Variants in POLK observed in about 807,000 individuals in gnomAD.
The protein encoded by POLK is DNA polymerase kappa.
POLK carries 76 observed loss-of-function variants against 94.0 expected under a neutral mutation model. That is an observed-to-expected ratio of 0.81 (90% CI 0.67 to 0.98). POLK has a LOEUF of 0.98. Ranked by LOEUF, POLK falls within the 50% of genes least tolerant of loss-of-function variation. POLK has a pLI of 0.00. For missense variants in POLK, 954 were observed against 1,010.1 expected (o/e 0.94, Z 0.75); for synonymous variants, 349 against 325.4 (o/e 1.07, Z -0.78).
intron 1 of POLK, among the ~76,000 whole-genome samples, chr5:75,536,883 G>A (rs1224509672): frequency 6.6e-6 from 1 of 152,220 alleles, no homozygotes; most frequent in Non-Finnish European, 1.5e-5. Flanking sequence ...CCAGTGACGG[G>A]GGCGGGTAGG....
exon 7 of POLK, chr5:75,581,430 A>C (rs1253918632): frequency 1.2e-6 from 2 of 1,613,508 alleles, no homozygotes; most frequent in African/African-American, 2.7e-5. Flanking sequence ...GCAGAAAACA[A>C]CACTGACAGC....
intron 11 of POLK, among the ~76,000 whole-genome samples, chr5:75,593,031 G>C (rs2112876594): frequency 6.6e-6 from 1 of 152,238 alleles, no homozygotes; most frequent in African/African-American, 2.4e-5. Flanking sequence ...ACTCCAGCCT[G>C]GGCAATAGAA....
chr5:75,595,267 A>AAAAAAAAAC (rs1561412818), intron 12 of POLK, among the ~76,000 whole-genome samples: 1 of 150,432 alleles, frequency 6.6e-6, no homozygotes, highest in African/African-American at 2.5e-5. Flanking sequence ...AAAAAAAAAA[A>AAAAAAAAAC]AAAAAAGCCC....
intron 1 of POLK, among the ~76,000 whole-genome samples, chr5:75,521,693 T>C (rs1768594842): frequency 6.6e-6 from 1 of 152,260 alleles, no homozygotes; most frequent in Non-Finnish European, 1.5e-5. Context: ...TTATTTATTT[T>C]AGTCTTCTCT....
Position 75,540,044 on chromosome 5 carries a change from T to A in POLK, c.-13-6966T>A, listed in dbSNP as rs1261876888. Among the ~76,000 whole-genome samples the A allele has an allele frequency of 4.6e-5, 7 of 152,224 alleles. No individual in the cohort carries two copies. The East Asian group carries it at 1.4e-3, about 29-fold the overall frequency. ...AAACTAAAAAGTCAGGAGCAGTGGATCAAGAAACAATATCAAGGTTAGAAC... is the reference window on the plus strand; with the variant it reads ...AAACTAAAAAGTCAGGAGCAGTGGAACAAGAAACAATATCAAGGTTAGAAC... On this transcript the variant is annotated intron_variant, in intron 1 of 14. Coordinates refer to ENST00000241436, the Ensembl canonical transcript of POLK.
intron 3 of POLK, among the ~76,000 whole-genome samples, chr5:75,565,199 G>C (rs746434114): frequency 6.6e-6 from 1 of 151,986 alleles, no homozygotes; most frequent in Non-Finnish European, 1.5e-5. Context: ...TATGCTTCCC[G>C]AAGTTCTTGT....
chr5:75,560,767 T>A (rs1770930138), intron 3 of POLK, among the ~76,000 whole-genome samples: 1 of 152,086 alleles, frequency 6.6e-6, no homozygotes, highest in African/African-American at 2.4e-5. Context: ...GAACATGCAG[T>A]GTTTGGTTTT....
At position 75,584,795 on chromosome 5, in the gene POLK, A is replaced by G. The variant is rs771283940; in HGVS notation, c.1095A>G (p.Leu365=). The G allele has an allele frequency of 3.2e-6, 5 of 1,574,550 alleles. No homozygotes were observed. The African/African-American group carries it at 6.8e-5, about 21-fold the overall frequency. ...TAGGAAAAGTTACAGAGAAAATGTT[A>G]AAGGCCCTTGGAATTATTACATGTA... The change falls in exon 9 of 15, where the codon TTA becomes TTG. Residue 365 remains leucine (L), a synonymous_variant. Coordinates refer to ENST00000241436, the Ensembl canonical transcript of POLK.
intron 9 of POLK, among the ~76,000 whole-genome samples, chr5:75,585,636 C>G (rs1057060642): frequency 2.0e-5 from 3 of 152,100 alleles, no homozygotes; most frequent in African/African-American, 7.2e-5. Flanking sequence ...TTCCCTGCCA[C>G]TCTTTCATCT....
At chr5:75,555,627 T>C (rs1275915801) in intron 3 of POLK, among the ~76,000 whole-genome samples, 1 of 151,934 alleles carries the variant, frequency 6.6e-6, no homozygotes, top group Non-Finnish European at 1.5e-5. Context: ...TTTGGCTCAC[T>C]GCAACCTCCA....
downstream of POLK, among the ~76,000 whole-genome samples, chr5:75,604,566 A>G (rs1773375266): frequency 6.6e-6 from 1 of 152,142 alleles, no homozygotes; most frequent in Non-Finnish European, 1.5e-5. Flanking sequence ...TTGTTGAGAT[A>G]GGATCTTGCT....
At position 75,581,236 on chromosome 5, in the gene POLK, T is replaced by TAC. The variant is rs1772176770; in HGVS notation, c.722_723insAC (p.Ser242ArgfsTer29). The TAC allele has an allele frequency of 6.2e-6, 10 of 1,605,166 alleles. No homozygotes were observed. Among genetic ancestry groups the TAC allele is most frequent in the Non-Finnish European group, 7.7e-6 (9 of 1,172,010 alleles). On this transcript the variant is annotated frameshift_variant, in exon 7 of 15. Coordinates refer to ENST00000241436, the Ensembl canonical transcript of POLK. LOFTEE classifies it high-confidence loss of function. ...AATCCAGGAAAGGAAGTTAATAAAC[T>TAC]GAGTGAGCATGAACGATCCATCTCT...
intron 1 of POLK, among the ~76,000 whole-genome samples, chr5:75,525,634 G>A (rs1356463084): frequency 6.6e-6 from 1 of 152,150 alleles, no homozygotes; most frequent in African/African-American, 2.4e-5. Context: ...AATAGTAATA[G>A]CCACAACTTT....
chr5:75,551,034 C>G (rs1770308834), intron 2 of POLK, among the ~76,000 whole-genome samples: 1 of 152,034 alleles, frequency 6.6e-6, no homozygotes, highest in African/African-American at 2.4e-5. Flanking sequence ...CCAGCCTGGG[C>G]AACATAGTGA....
chr5:75,533,002 G>A (rs542486985), intron 1 of POLK, among the ~76,000 whole-genome samples: 78 of 152,206 alleles, frequency 5.1e-4, no homozygotes, highest in Non-Finnish European at 9.0e-4. Context: ...TCTTGGATCC[G>A]TAGTTTGCAG....
chr5:75,596,541 A>G (rs1177688859), exon 13 of POLK: 1 of 1,613,850 alleles, frequency 6.2e-7, no homozygotes, highest in Non-Finnish European at 8.5e-7. Flanking sequence ...CAGAGAATTC[A>G]GATGACTGTC....
downstream of POLK, among the ~76,000 whole-genome samples, chr5:75,604,415 C>T (rs1034695820): frequency 1.3e-5 from 2 of 152,194 alleles, no homozygotes; most frequent in African/African-American, 4.8e-5. Flanking sequence ...GTCTCACCGT[C>T]ACCCAGGCTG....
At chr5:75,535,229 G>C (rs1334246346) in intron 1 of POLK, among the ~76,000 whole-genome samples, 1 of 152,146 alleles carries the variant, frequency 6.6e-6, no homozygotes, top group South Asian at 2.1e-4. Flanking sequence ...GGTTTGGCTG[G>C]ATATGGAATT....
chr5:75,567,902 T>C (rs1211284406), intron 3 of POLK, among the ~76,000 whole-genome samples: 2 of 152,208 alleles, frequency 1.3e-5, no homozygotes, highest in Non-Finnish European at 2.9e-5. Flanking sequence ...CAGATTTCAC[T>C]GTACCTCCTG....
Sources: allele counts gnomAD v4.1 joint callset (sites outside exome capture counted in the v4.1 genomes callset), GRCh38; gene constraint gnomAD v4.1.1; transcripts MANE v1.5; gene names NCBI Gene and HGNC (gene_info 2026-07-23, HGNC 2026-07-21).